Variants in FSD2 observed in about 807,000 individuals in gnomAD.
FSD2 encodes fibronectin type III and SPRY domain containing 2, also known as fibronectin type III and SPRY domain-containing protein 2.
FSD2 carries 71 observed loss-of-function variants against 80.4 expected under a neutral mutation model. That is an observed-to-expected ratio of 0.88 (90% CI 0.73 to 1.08). The LOEUF is 1.08. FSD2 is among the 50% of genes least tolerant of loss of function. The pLI is 0.00. For synonymous variants in FSD2, 361 were observed against 329.5 expected (o/e 1.10, Z -1.03); for missense variants, 923 against 913.8 (o/e 1.01, Z -0.13).
intron 11 of FSD2, 137 bp from the exon 12 acceptor site, chr15:82,762,415 G>A (rs997892504): frequency 5.8e-6 from 4 of 690,820 alleles, no homozygotes; most frequent in East Asian, 5.6e-5. Flanking sequence ...CACTTAACTT[G>A]TAAAGTACCC....
rs2049909194 is a variant in FSD2, at chr15:82,783,054, T to A, written c.736-29A>T. Reference sequence around the variant, plus strand: ...CAAGACAGTTGATCTCAGTCATCATTTCAGCGCATGTAGTGTGTTGATTAG... The same window carrying A: ...CAAGACAGTTGATCTCAGTCATCATATCAGCGCATGTAGTGTGTTGATTAG... On this transcript the variant is annotated intron_variant, in intron 3 of 12. Coordinates refer to ENST00000334574, the MANE Select transcript of FSD2 (RefSeq NM_001007122.4). 3 of 1,484,710 alleles carry A rather than the reference T, an allele frequency of 2.0e-6. No homozygotes were observed. In the East Asian group the frequency reaches 6.8e-5, roughly 34 times the overall value. The allele number at this position is 1,484,710 out of a possible 1,614,324, so 92.0% of individuals were successfully genotyped here.
At chr15:82,771,082 A>C (rs1317648430) in intron 7 of FSD2, among the ~76,000 whole-genome samples, 2 of 151,212 alleles carry the variant, frequency 1.3e-5, no homozygotes, top group Admixed American at 6.6e-5. Context: ...ACTTAAATTT[A>C]CTCTTACTTT....
At position 82,762,284 on chromosome 15, in the gene FSD2, T is replaced by G; in HGVS notation, c.1821-6A>C. 6.2e-7 allele frequency: 1 copy of G among 1,612,798 alleles called. No individual in the cohort carries two copies. Among genetic ancestry groups the G allele is most frequent in the Non-Finnish European group, 8.5e-7 (1 of 1,179,258 alleles). On this transcript the variant is annotated splice_polypyrimidine_tract_variant and splice_region_variant and intron_variant, in intron 11 of 12. Coordinates refer to ENST00000334574, the MANE Select transcript of FSD2 (RefSeq NM_001007122.4). ...TTCCCATGACAGCAACACACCTGGT[T>G]TTAGAAAGTGGAAGCATGTGTGATC...
Position 82,772,202 on chromosome 15 carries a change from G to T in FSD2, c.1138C>A (p.Gln380Lys), listed in dbSNP as rs769772214. The stretch of plus-strand genomic sequence containing the variant: ...GAACCTGTGGCTGAGTTAGGGACCT[G>T]TGGATTTATGACTGGAGCAGAAGGA... ...PAPSAPVINPQVPNSATGSSV... is the reference protein window; with the variant it reads ...PAPSAPVINPKVPNSATGSSV... Residue 380 changes from glutamine (Q) to lysine (K), a missense_variant, in exon 7 of 13, where the codon CAG (glutamine) becomes AAG (lysine). Coordinates refer to ENST00000334574, the MANE Select transcript of FSD2 (RefSeq NM_001007122.4). 2.5e-6 allele frequency: 4 copies of T among 1,612,392 alleles called. No individual in the cohort carries two copies.
rs766139699 is a variant in FSD2, at chr15:82,782,749, A to G, written c.966+46T>C. ...AACTGTCGTTTCCGTTTATAATTCC[A>G]TCTCTTTCCATTATGTTCATTATTT... is the stretch of plus-strand genomic sequence containing the variant. On this transcript the variant is annotated intron_variant, in intron 4 of 12. Coordinates refer to ENST00000334574, the MANE Select transcript of FSD2 (RefSeq NM_001007122.4). The G allele has an allele frequency of 1.0e-5, 15 of 1,452,754 alleles. No homozygotes were observed. The East Asian group carries it at 2.5e-4, about 24-fold the overall frequency. The allele number at this position is 1,452,754 out of a possible 1,614,324, so 90.0% of individuals were successfully genotyped here. A position where few individuals can be genotyped will look rare whatever the true frequency, so the allele number is the denominator to read the frequency against.
At chr15:82,768,197 G>A (rs989289188) in intron 9 of FSD2, among the ~76,000 whole-genome samples, 3 of 152,092 alleles carry the variant, frequency 2.0e-5, no homozygotes, top group Non-Finnish European at 4.4e-5. Flanking sequence ...TTTTGTTTTC[G>A]CCTATGGCTT....
chr15:82,782,917 T>C lies in FSD2; in HGVS notation c.844A>G (p.Lys282Glu), dbSNP rs1425275764. 9 of 1,613,862 alleles carry C rather than the reference T, an allele frequency of 5.6e-6. No homozygotes were observed. Among genetic ancestry groups the C allele is most frequent in the Non-Finnish European group, 7.6e-6 (9 of 1,179,866 alleles). The change falls in exon 4 of 13, where the codon AAA becomes GAA. Residue 282 changes from lysine (K) to glutamate (E), a missense_variant. By Grantham distance (56) the Lys-to-Glu change is moderately conservative (BLOSUM62 1). Transcript: ENST00000334574. ...EKIQALGEKK[K>E]EKLEALYGQL... ...CCATATAAGGCTTCCAGCTTCTCTTTCTTTTTCTCCCCTAGAGCTTGTATT... is the reference window on the plus strand; with the variant it reads ...CCATATAAGGCTTCCAGCTTCTCTTCCTTTTTCTCCCCTAGAGCTTGTATT...
At chr15:82,783,259 C>T (rs555535979) in intron 3 of FSD2, among the ~76,000 whole-genome samples, 28 of 152,036 alleles carry the variant, frequency 1.8e-4, no homozygotes, top group Admixed American at 1.3e-3. Context: ...TCACCATGCC[C>T]GGCTAATTTT....
chr15:82,803,273 CA>C (rs1329898607), intron 1 of FSD2, among the ~76,000 whole-genome samples: 9 of 152,248 alleles, frequency 5.9e-5, no homozygotes, highest in Middle Eastern at 3.4e-3. Context: ...GGTCCTTCCT[CA>C]GGGGTGTCCC....
At chr15:82,804,285 G>A (rs2050480485) in intron 1 of FSD2, among the ~76,000 whole-genome samples, 1 of 152,140 alleles carries the variant, frequency 6.6e-6, no homozygotes, top group Admixed American at 6.5e-5. Flanking sequence ...GGCCCAGGCA[G>A]AGATATGGTA....
chr15:82,769,754 C>T lies in FSD2; in HGVS notation c.1398G>A (p.Met466Ile), dbSNP rs1427658680. The change falls in exon 8 of 13, where the codon ATG becomes ATA. Residue 466 changes from methionine (M) to isoleucine (I), a missense_variant. By Grantham distance (10) the Met-to-Ile change is conservative (BLOSUM62 1). Coordinates refer to ENST00000334574, the MANE Select transcript of FSD2 (RefSeq NM_001007122.4). Reference protein sequence around the residue: ...PSPSSERAVYMTAPSPPIIKT... With the variant: ...PSPSSERAVYITAPSPPIIKT... The stretch of plus-strand genomic sequence containing the variant: ...AGGAAATGAGTAGCCCATTACCTGT[C>T]ATGTACACTGCACGCTCGCTAGAGG... The T allele has an allele frequency of 6.2e-7, 1 of 1,613,528 alleles. No homozygotes were observed. The highest frequency in any genetic ancestry group is 8.5e-7 in the Non-Finnish European group (1 of 1,179,572).
chr15:82,803,578 C>T (rs2050462821), intron 1 of FSD2, among the ~76,000 whole-genome samples: 2 of 152,134 alleles, frequency 1.3e-5, no homozygotes, highest in Admixed American at 6.5e-5. Context: ...CCCTATCTCA[C>T]CACTGCTTCT....
At chr15:82,784,230 T>TTTTTA (rs369110230) in intron 3 of FSD2, among the ~76,000 whole-genome samples, 24,738 of 149,212 alleles carry the variant, frequency 0.17, 2,250 homozygotes, top group East Asian at 0.37. Flanking sequence ...TGTAAGAAGT[T>TTTTTA]TTTTATTTTA....
intron 8 of FSD2, 127 bp downstream of exon 8, chr15:82,769,618 TAAAAG>T: frequency 8.7e-7 from 1 of 1,150,868 alleles, no homozygotes. Context: ...GTGTGTTAAA[TAAAAG>T]AAAAAAATGT....
chr15:82,761,433 A>G (rs2049293837), intron 12 of FSD2, among the ~76,000 whole-genome samples: 1 of 152,200 alleles, frequency 6.6e-6, no homozygotes. Flanking sequence ...AGCCATAACT[A>G]CTAAGCCTCT....
intron 3 of FSD2, among the ~76,000 whole-genome samples, chr15:82,783,805 A>T (rs1182257666): frequency 2.0e-5 from 3 of 152,206 alleles, no homozygotes; most frequent in Non-Finnish European, 1.5e-5. Context: ...AACTAGGATC[A>T]TATCAACTAG....
chr15:82,793,617 T>G (rs2050198350), intron 1 of FSD2, among the ~76,000 whole-genome samples: 1 of 152,132 alleles, frequency 6.6e-6, no homozygotes, highest in Admixed American at 6.5e-5. Context: ...TAAGTAGCAA[T>G]GGGGCCCTGA....
At chr15:82,785,189 G>A (rs2151517934) in intron 3 of FSD2, among the ~76,000 whole-genome samples, 1 of 152,198 alleles carries the variant, frequency 6.6e-6, no homozygotes, top group East Asian at 1.9e-4. Flanking sequence ...GTCAAGATTG[G>A]GAGGGAGAGG....
chr15:82,768,483 C>T (rs2049476032), intron 9 of FSD2, among the ~76,000 whole-genome samples: 1 of 152,220 alleles, frequency 6.6e-6, no homozygotes, highest in East Asian at 1.9e-4. Context: ...GTTTTCTTGC[C>T]TTTTGTCTAT....
Sources: gnomAD v4.1 joint callset for allele counts (sites outside exome capture counted in the v4.1 genomes callset) on GRCh38, gnomAD v4.1.1 for gene constraint, MANE v1.5 for transcripts, NCBI Gene and HGNC (gene_info 2026-07-23, HGNC 2026-07-21) for gene names.